The following ASTN2 variants were observed in gnomAD, a reference collection of about 807,000 sequenced individuals.
The protein encoded by ASTN2 is astrotactin 2, also known as astrotactin-2.
ASTN2 carries 54 observed loss-of-function variants against 139.8 expected under a neutral mutation model. The ratio of observed to expected loss-of-function variants is 0.39; its 90% confidence interval spans 0.31 to 0.48. ASTN2 has a LOEUF of 0.48. ASTN2 is among the 20% of genes least tolerant of loss of function. ASTN2 has a pLI of 0.95. For synonymous variants in ASTN2, 756 were observed against 719.5 expected (o/e 1.05, Z -0.81); for missense variants, 1,565 against 1,725.1 (o/e 0.91, Z 1.64).
chr9:116,682,039 C>T (rs1859908697), intron 16 of ASTN2, among the ~76,000 whole-genome samples: 1 of 151,586 alleles, frequency 6.6e-6, no homozygotes, highest in African/African-American at 2.4e-5. Flanking sequence ...TCTAATTAAA[C>T]TAAAGAGCTT....
At chr9:117,388,594 T>C (rs1830461949) in intron 1 of ASTN2, among the ~76,000 whole-genome samples, 1 of 152,244 alleles carries the variant, frequency 6.6e-6, no homozygotes, top group African/African-American at 2.4e-5. Flanking sequence ...AGTTGGCTTC[T>C]ATTGGTTGCA....
At chr9:117,140,973 C>G (rs1830061541) in intron 4 of ASTN2, among the ~76,000 whole-genome samples, 1 of 152,330 alleles carries the variant, frequency 6.6e-6, no homozygotes, top group South Asian at 2.1e-4. Context: ...GAGGATGTCT[C>G]CTACTAGAAT....
At chr9:116,618,592 C>G in intron 18 of ASTN2, 120 bp from the exon 19 acceptor site, 1 of 1,199,620 alleles carries the variant, frequency 8.3e-7, no homozygotes, top group Non-Finnish European at 1.1e-6. Flanking sequence ...TTGATTCCAC[C>G]CATGATCGCC....
chr9:117,193,647 A>AAT (rs1218728715), intron 3 of ASTN2, among the ~76,000 whole-genome samples: 1 of 151,518 alleles, frequency 6.6e-6, no homozygotes, highest in Non-Finnish European at 1.5e-5. Context: ...ACCAAAAAAA[A>AAT]AAAAAAAAAG....
chr9:117,319,004 T>A (rs1309544617), intron 1 of ASTN2, among the ~76,000 whole-genome samples: 2 of 152,236 alleles, frequency 1.3e-5, no homozygotes, highest in Non-Finnish European at 2.9e-5. Context: ...GGGCACCTCT[T>A]GGAAAATTGC....
At chr9:116,797,482 C>A (rs771321667) in intron 13 of ASTN2, among the ~76,000 whole-genome samples, 5 of 152,126 alleles carry the variant, frequency 3.3e-5, no homozygotes, top group Non-Finnish European at 7.3e-5. Context: ...CAGCCTCCAA[C>A]TGCTGTCCTC....
chr9:117,316,721 A>G (rs760583844), intron 1 of ASTN2, among the ~76,000 whole-genome samples: 25 of 152,286 alleles, frequency 1.6e-4, no homozygotes, highest in Admixed American at 5.2e-4. Context: ...GGGCCTCCCC[A>G]TTTCAGGTTT....
chr9:116,771,482 C>A (rs1028727193), intron 13 of ASTN2, among the ~76,000 whole-genome samples: 2 of 152,122 alleles, frequency 1.3e-5, no homozygotes, highest in African/African-American at 2.4e-5. Context: ...TTTCTCCCAC[C>A]ATCCCATAAG....
At chr9:116,897,290 C>T (rs1394330575) in intron 10 of ASTN2, among the ~76,000 whole-genome samples, 1 of 152,204 alleles carries the variant, frequency 6.6e-6, no homozygotes, top group East Asian at 1.9e-4. Flanking sequence ...AAGTCAATCT[C>T]CTCTCTGGGC....
At chr9:116,759,573 T>C (rs980223318) in intron 13 of ASTN2, among the ~76,000 whole-genome samples, 42 of 152,122 alleles carry the variant, frequency 2.8e-4, no homozygotes, top group South Asian at 8.3e-4. Flanking sequence ...CTGTCTGCTA[T>C]ACTATTTCTT....
At chr9:116,917,183 C>G (rs1289513118) in intron 10 of ASTN2, among the ~76,000 whole-genome samples, 2 of 152,188 alleles carry the variant, frequency 1.3e-5, no homozygotes, top group African/African-American at 4.8e-5. Flanking sequence ...GATGTTAGAT[C>G]AACTGTGACT....
At chr9:117,392,241 G>C (rs1830560599) in intron 1 of ASTN2, among the ~76,000 whole-genome samples, 4 of 152,136 alleles carry the variant, frequency 2.6e-5, no homozygotes, top group Admixed American at 2.6e-4. Context: ...GGTAGAGATG[G>C]AAAGAAATAC....
chr9:116,993,152 A>G (rs955615300), intron 7 of ASTN2, among the ~76,000 whole-genome samples: 7 of 152,156 alleles, frequency 4.6e-5, no homozygotes, highest in Middle Eastern at 3.2e-3. Flanking sequence ...ATGTTTTTAC[A>G]ATGTTCTGCA....
intron 1 of ASTN2, among the ~76,000 whole-genome samples, chr9:117,331,217 G>A (rs909007690): frequency 1.3e-5 from 2 of 152,188 alleles, no homozygotes; most frequent in African/African-American, 4.8e-5. Context: ...AAGCTGAAGT[G>A]TGGAAGTCAG....
chr9:116,678,335 T>C (rs1859630734), intron 16 of ASTN2, among the ~76,000 whole-genome samples: 1 of 152,224 alleles, frequency 6.6e-6, no homozygotes, highest in Non-Finnish European at 1.5e-5. Flanking sequence ...TCTGATGTCC[T>C]AGGCTCCACC....
chr9:117,189,056 G>T (rs1014381033), intron 3 of ASTN2, among the ~76,000 whole-genome samples: 5 of 152,084 alleles, frequency 3.3e-5, no homozygotes, highest in African/African-American at 7.2e-5. Context: ...GGTCCTGTCT[G>T]CCAGACATCC....
intron 11 of ASTN2, among the ~76,000 whole-genome samples, chr9:116,821,277 G>A (rs1004871593): frequency 7.9e-5 from 12 of 152,206 alleles, no homozygotes; most frequent in South Asian, 6.2e-4. Context: ...GTTACTTGCC[G>A]TCTCTGAGCC....
intron 7 of ASTN2, among the ~76,000 whole-genome samples, chr9:116,984,710 T>C (rs964694974): frequency 2.6e-5 from 4 of 152,230 alleles, no homozygotes; most frequent in Admixed American, 2.0e-4. Context: ...TTGGGCACTG[T>C]TGAGTATAAG....
chr9:116,895,803 A>G (rs1456631307), intron 10 of ASTN2, among the ~76,000 whole-genome samples: 1 of 152,226 alleles, frequency 6.6e-6, no homozygotes, highest in African/African-American at 2.4e-5. Context: ...GGAGATGCCA[A>G]TAGAGCACTG....
Sources: gnomAD v4.1 joint callset for allele counts (sites outside exome capture counted in the v4.1 genomes callset) on GRCh38, gnomAD v4.1.1 for gene constraint, MANE v1.5 for transcripts, NCBI Gene and HGNC (gene_info 2026-07-23, HGNC 2026-07-21) for gene names.